NRXN3: variants seen among roughly 807,000 people sequenced by gnomAD.
The protein encoded by NRXN3 is neurexin III.
Under a neutral mutation model 137.6 loss-of-function variants are expected in NRXN3, and 32 were observed. That is an observed-to-expected ratio of 0.23 (90% CI 0.18 to 0.31). The LOEUF is 0.31. NRXN3 is among the 10% of genes least tolerant of loss of function. NRXN3 has a pLI of 1.00. For synonymous variants in NRXN3, 798 were observed against 784.5 expected, an observed-to-expected ratio of 1.02 and a Z score of -0.29; for missense variants, 1,574 against 2,062.5, an observed-to-expected ratio of 0.76 and a Z score of 4.59.
intron 19 of NRXN3, among the ~76,000 whole-genome samples, chr14:79,749,577 A>C (rs376060586): frequency 3.3e-5 from 5 of 152,072 alleles, no homozygotes; most frequent in African/African-American, 1.2e-4. Context: ...TGGTTTTTTA[A>C]CATGCTATTC....
chr14:79,184,048 A>C (rs2063241136), intron 15 of NRXN3, among the ~76,000 whole-genome samples: 1 of 152,194 alleles, frequency 6.6e-6, no homozygotes. Context: ...CAGATTGCCT[A>C]GAGCTCTAAC....
chr14:79,470,944 G>A lies in NRXN3; in HGVS notation c.3444+3542G>A, dbSNP rs866060169. Among the ~76,000 whole-genome samples, 387 of 86,928 alleles carry A rather than the reference G, an allele frequency of 4.5e-3. 3 individuals carry two copies. Among genetic ancestry groups the A allele is most frequent in the African/African-American group, 0.016 (323 of 20,512 alleles). 57.0% of individuals were successfully genotyped at this position (86,928 alleles called of 152,430 possible). A position where few individuals can be genotyped will look rare whatever the true frequency, so the allele number is the denominator to read the frequency against. On this transcript the variant is annotated intron_variant, in intron 16 of 20. Transcript: ENST00000335750. ...TGAGAGAGAGAGAGAGAGAGAAAGAGAGAGAGAGTGTGTGTGTGTGTGTGT... is the reference window on the plus strand; with the variant it reads ...TGAGAGAGAGAGAGAGAGAGAAAGAAAGAGAGAGTGTGTGTGTGTGTGTGT...
intron 19 of NRXN3, among the ~76,000 whole-genome samples, chr14:79,704,723 T>C (rs2098769641): frequency 6.6e-6 from 1 of 152,162 alleles, no homozygotes; most frequent in Admixed American, 6.5e-5. Flanking sequence ...TGTCTTCTCC[T>C]TACCCTTACG....
chr14:78,491,312 CT>C (rs1467841167), intron 4 of NRXN3, among the ~76,000 whole-genome samples: 1 of 64,066 alleles, frequency 1.6e-5, no homozygotes. Flanking sequence ...GGATGAGATT[CT>C]GGTCAAGTCC....
intron 4 of NRXN3, among the ~76,000 whole-genome samples, chr14:78,621,240 A>G (rs1170284315): frequency 6.6e-6 from 1 of 152,178 alleles, no homozygotes; most frequent in African/African-American, 2.4e-5. Context: ...AGGCACAAAG[A>G]AATAAGACAG....
At chr14:79,249,609 C>T (rs2075669984) in intron 15 of NRXN3, among the ~76,000 whole-genome samples, 1 of 152,136 alleles carries the variant, frequency 6.6e-6, no homozygotes. Flanking sequence ...TAAAATAACC[C>T]AGCTACTGGC....
intron 15 of NRXN3, among the ~76,000 whole-genome samples, chr14:79,132,064 C>T (rs1190926515): frequency 6.6e-6 from 1 of 152,258 alleles, no homozygotes; most frequent in Non-Finnish European, 1.5e-5. Flanking sequence ...ACCCACTGAC[C>T]TGCGCGCACT....
Position 79,032,251 on chromosome 14 carries a change from A to G in NRXN3, c.3262+44110A>G, listed in dbSNP as rs1263468992. ...CAACTTGAAGCTTGCTAAAATTTAT[A>G]GCAATAACATTGAATTCAATTACAT... is the stretch of plus-strand genomic sequence containing the variant. On this transcript the variant is annotated intron_variant, in intron 15 of 20. Transcript: ENST00000335750. Among the ~76,000 whole-genome samples the G allele has an allele frequency of 2.0e-5, 3 of 152,306 alleles. No individual in the cohort carries two copies. The East Asian group carries it at 5.8e-4, about 29-fold the overall frequency.
Position 79,445,355 on chromosome 14 carries a change from A to G in NRXN3, c.3263-21866A>G, listed in dbSNP as rs535554182. Among the ~76,000 whole-genome samples the G allele has an allele frequency of 3.9e-5, 6 of 151,946 alleles. No individual in the cohort carries two copies. The South Asian group carries it at 1.3e-3, about 32-fold the overall frequency. ...CCCCATCTCAAAAAAAAAAAGAAAG[A>G]AAGAAAAAAAGAAAAAAAATGTATT... On this transcript the variant is annotated intron_variant, in intron 15 of 20. Coordinates refer to ENST00000335750, the MANE Select transcript of NRXN3 (RefSeq NM_001330195.2).
At chr14:78,180,100 G>A (rs1047272974) in intron 1 of NRXN3, among the ~76,000 whole-genome samples, 3 of 152,128 alleles carry the variant, frequency 2.0e-5, no homozygotes, top group South Asian at 4.2e-4. Flanking sequence ...CACCTACCTC[G>A]GCCTCCCAAA....
intron 20 of NRXN3, among the ~76,000 whole-genome samples, chr14:79,836,381 T>C (rs1012783416): frequency 6.6e-6 from 1 of 152,178 alleles, no homozygotes; most frequent in Admixed American, 6.5e-5. Flanking sequence ...TTTAATGCAC[T>C]TTAAAGTTGT....
intron 16 of NRXN3, among the ~76,000 whole-genome samples, chr14:79,482,109 C>T (rs1191158664): frequency 6.6e-6 from 1 of 152,212 alleles, no homozygotes; most frequent in South Asian, 2.1e-4. Flanking sequence ...TGCATCTTAG[C>T]ATAATTCAGG....
At chr14:79,491,991 T>TATTA (rs1395923508) in intron 16 of NRXN3, among the ~76,000 whole-genome samples, 1 of 152,174 alleles carries the variant, frequency 6.6e-6, no homozygotes, top group Non-Finnish European at 1.5e-5. Context: ...CTCAGACCAA[T>TATTA]ATTAAGTGAG....
chr14:78,905,609 T>C (rs1332647141), intron 10 of NRXN3, among the ~76,000 whole-genome samples: 2 of 152,088 alleles, frequency 1.3e-5, no homozygotes, highest in South Asian at 2.1e-4. Context: ...TAATACATTT[T>C]TCATTTTCTT....
rs190405528 is a variant in NRXN3 at position 79,619,446 on chromosome 14, T to C, written c.3445-44332T>C. Among the ~76,000 whole-genome samples, 44 of 152,154 alleles carry C rather than the reference T, an allele frequency of 2.9e-4. No individual in the cohort carries two copies. In the East Asian group the frequency reaches 7.9e-3, roughly 27 times the overall value. ...TATGGCTAGCTAGTTATCCCAGCAA[T>C]ATTTGTTGAATAGTAGCGAGTCCTT... is the stretch of plus-strand genomic sequence containing the variant. On this transcript the variant is annotated intron_variant, in intron 16 of 20. Transcript: ENST00000335750.
At chr14:79,489,113 G>T (rs1189265857) in intron 16 of NRXN3, among the ~76,000 whole-genome samples, 1 of 152,180 alleles carries the variant, frequency 6.6e-6, no homozygotes. Context: ...TGACCATAAT[G>T]AAAGAGAATG....
chr14:78,420,405 G>A (rs2093392023), intron 4 of NRXN3, among the ~76,000 whole-genome samples: 3 of 152,128 alleles, frequency 2.0e-5, no homozygotes, highest in African/African-American at 7.2e-5. Context: ...TAGTAATAAA[G>A]TGAAGAGGAT....
At chr14:79,544,816 A>G (rs1337687452) in intron 16 of NRXN3, among the ~76,000 whole-genome samples, 2 of 152,212 alleles carry the variant, frequency 1.3e-5, no homozygotes, top group African/African-American at 4.8e-5. Flanking sequence ...TCATTCCACA[A>G]CTATTGAATC....
intron 4 of NRXN3, among the ~76,000 whole-genome samples, chr14:78,489,105 G>A (rs779640735): frequency 2.0e-5 from 3 of 152,196 alleles, no homozygotes; most frequent in Non-Finnish European, 4.4e-5. Context: ...GAGGTTTGGT[G>A]TGGATAGCTG....
Sources: gnomAD v4.1 joint callset for allele counts (sites outside exome capture counted in the v4.1 genomes callset) on GRCh38, gnomAD v4.1.1 for gene constraint, MANE v1.5 for transcripts, NCBI Gene and HGNC (gene_info 2026-07-23, HGNC 2026-07-21) for gene names.